Variants in ROCK2 observed in about 807,000 individuals in gnomAD.
ROCK2 encodes the protein Rho associated coiled-coil containing protein kinase 2.
Under a neutral mutation model 195.1 loss-of-function variants are expected in ROCK2, and 61 were observed. The observed-to-expected ratio is 0.31, with a 90% CI of 0.25 to 0.39. ROCK2 has a LOEUF of 0.39. Ranked by LOEUF, ROCK2 falls within the 10% of genes least tolerant of loss-of-function variation. ROCK2 has a pLI of 1.00. For missense variants in ROCK2, 1,109 were observed against 1,637.4 expected, an observed-to-expected ratio of 0.68 and a Z score of 5.57; for synonymous variants, 504 against 545.5, an observed-to-expected ratio of 0.92 and a Z score of 1.06.
intron 1 of ROCK2, chr2:11,309,058 T>C (rs1243897336): frequency 4.8e-6 from 7 of 1,457,498 alleles, no homozygotes; most frequent in East Asian, 2.3e-5. Flanking sequence ...CCCAGACCAG[T>C]AGGCCGGAGG....
At chr2:11,205,887 T>C (rs188439930) in intron 20 of ROCK2, among the ~76,000 whole-genome samples, 28 of 152,260 alleles carry the variant, frequency 1.8e-4, no homozygotes, top group Non-Finnish European at 3.4e-4. Context: ...GCCAGGCAGA[T>C]CACCTGAGGT....
At chr2:11,194,845 C>G in intron 28 of ROCK2, 110 bp downstream of exon 28, 1 of 463,532 alleles carries the variant, frequency 2.2e-6, no homozygotes, top group Non-Finnish European at 3.8e-6. Context: ...TAAACAAGTT[C>G]TATGTGTCTA....
At position 11,214,429 on chromosome 2, in the gene ROCK2, G is replaced by A. The variant is rs548996898; in HGVS notation, c.1971C>T (p.Asn657=). 2.9e-5 allele frequency: 46 copies of A among 1,609,068 alleles called. No homozygotes were observed. Among genetic ancestry groups the A allele is most frequent in the South Asian group, 1.1e-4 (10 of 90,640 alleles). ...RICGLEEDLK[N]GKILLAKVEL... The stretch of plus-strand genomic sequence containing the variant: ...CTACTTTCGCTAGTAAGATTTTGCC[G>A]TTCTTTAAATCTTCTTCTAGGCCAC... Residue 657 remains asparagine (N), a synonymous_variant, in exon 17 of 33, where the codon AAC becomes AAT. Transcript: ENST00000315872.
chr2:11,198,213 G>C (rs891176232), intron 25 of ROCK2, among the ~76,000 whole-genome samples: 1 of 152,164 alleles, frequency 6.6e-6, no homozygotes, highest in East Asian at 1.9e-4. Context: ...AATCCCAACA[G>C]TTCTTAAAAG....
At chr2:11,251,002 T>C (rs2148129075) in intron 3 of ROCK2, among the ~76,000 whole-genome samples, 1 of 152,346 alleles carries the variant, frequency 6.6e-6, no homozygotes, top group South Asian at 2.1e-4. Flanking sequence ...CTTAAATCCC[T>C]GTTCAAATCA....
intron 1 of ROCK2, among the ~76,000 whole-genome samples, chr2:11,304,188 G>A (rs1046822597): frequency 6.6e-6 from 1 of 151,950 alleles, no homozygotes; most frequent in African/African-American, 2.4e-5. Context: ...CTGAATTCAA[G>A]ACCCATATAT....
chr2:11,223,279 GA>G (rs1351742590), intron 7 of ROCK2, among the ~76,000 whole-genome samples: 2 of 151,682 alleles, frequency 1.3e-5, no homozygotes, highest in Non-Finnish European at 2.9e-5. Flanking sequence ...CCTCTTTGAT[GA>G]AAAAAAGAAA....
At chr2:11,335,152 C>T (rs983114474) in intron 1 of ROCK2, among the ~76,000 whole-genome samples, 2 of 150,328 alleles carry the variant, frequency 1.3e-5, no homozygotes, top group African/African-American at 4.9e-5. Flanking sequence ...CACACACAGA[C>T]ACACACACGG....
chr2:11,299,910 A>G (rs1667653600), intron 1 of ROCK2, among the ~76,000 whole-genome samples: 1 of 152,248 alleles, frequency 6.6e-6, no homozygotes, highest in South Asian at 2.1e-4. Flanking sequence ...TTTAAAAATC[A>G]GAAAACATTT....
chr2:11,211,589 A>G (rs1664248579), intron 18 of ROCK2, 92 bp downstream of exon 18: 3 of 1,225,258 alleles, frequency 2.4e-6, no homozygotes, highest in Non-Finnish European at 3.3e-6. Flanking sequence ...TGACAATGAA[A>G]TATAAAAAAA....
At chr2:11,287,890 A>G (rs182745437) in intron 1 of ROCK2, among the ~76,000 whole-genome samples, 154 bp from the exon 2 acceptor site, 1 of 152,350 alleles carries the variant, frequency 6.6e-6, no homozygotes, top group Non-Finnish European at 1.5e-5. Flanking sequence ...CAACAGCTTT[A>G]ACTGGTTTCC....
chr2:11,190,950 C>A (rs1342537645), intron 32 of ROCK2, among the ~76,000 whole-genome samples: 3 of 152,152 alleles, frequency 2.0e-5, no homozygotes, highest in Non-Finnish European at 4.4e-5. Flanking sequence ...TTTTATCATA[C>A]CTCACACAAA....
chr2:11,190,962 T>C (rs1273677083), intron 32 of ROCK2, among the ~76,000 whole-genome samples: 2 of 152,210 alleles, frequency 1.3e-5, no homozygotes, highest in African/African-American at 4.8e-5. Context: ...TCACACAAAA[T>C]ATTCAACATT....
chr2:11,197,753 G>T lies in ROCK2; in HGVS notation c.3100-48C>A. On this transcript the variant is annotated intron_variant, in intron 25 of 32. Transcript: ENST00000315872. This position sits in a 1 kb window ranked among gnomAD's most constrained non-coding sequence, Gnocchi z 4.9. ...ATAATACATAAATAAAATAAATTAC[G>T]TTTATGGTTTCTCAGTATCTCATCA... 1 of 1,282,104 alleles carries T rather than the reference G, an allele frequency of 7.8e-7. No individual in the cohort carries two copies. Among genetic ancestry groups the T allele is most frequent in the Non-Finnish European group, 1.0e-6 (1 of 973,178 alleles). The allele number at this position is 1,282,104 out of a possible 1,614,324, so 79.4% of individuals were successfully genotyped here.
chr2:11,278,252 C>G (rs980116048), intron 3 of ROCK2, among the ~76,000 whole-genome samples: 1 of 152,218 alleles, frequency 6.6e-6, no homozygotes, highest in African/African-American at 2.4e-5. Context: ...AACCACCATT[C>G]TATTCTCTAC....
At chr2:11,203,482 T>A (rs997002672) in intron 20 of ROCK2, among the ~76,000 whole-genome samples, 13 of 152,062 alleles carry the variant, frequency 8.5e-5, no homozygotes, top group African/African-American at 2.4e-4. Context: ...CTTTTTTTTT[T>A]AAATGTAGTC....
At chr2:11,216,295 G>C in intron 12 of ROCK2, 89 bp from the exon 13 acceptor site, 1 of 945,448 alleles carries the variant, frequency 1.1e-6, no homozygotes, top group South Asian at 1.4e-5. Flanking sequence ...ATAATTACTT[G>C]GTAGCTCTCC....
chr2:11,254,728 A>AAT (rs1665959748), intron 3 of ROCK2, among the ~76,000 whole-genome samples: 1 of 22,726 alleles, frequency 4.4e-5, no homozygotes, highest in African/African-American at 2.8e-4. Context: ...CCTGTCTCTT[A>AAT]AAAAAAAAAA....
At chr2:11,274,854 C>CTTT (rs1666768174) in intron 3 of ROCK2, among the ~76,000 whole-genome samples, 1 of 152,200 alleles carries the variant, frequency 6.6e-6, no homozygotes. Flanking sequence ...CAGTGGTTAC[C>CTTT]TGAAACCATG....
Sources: gnomAD v4.1 joint callset for allele counts (sites outside exome capture counted in the v4.1 genomes callset) on GRCh38, gnomAD v4.1.1 for gene constraint, Gnocchi (gnomAD v3.1) non-coding constraint, MANE v1.5 for transcripts, NCBI Gene and HGNC (gene_info 2026-07-23, HGNC 2026-07-21) for gene names.